Variants in WDFY1 observed in about 807,000 individuals in gnomAD.
WDFY1 encodes the protein WD repeat and FYVE domain-containing protein 1.
Under a neutral mutation model 56.4 loss-of-function variants are expected in WDFY1, and 32 were observed. The observed-to-expected ratio is 0.57, with a 90% confidence interval of 0.43 to 0.76. WDFY1 has a LOEUF of 0.76. Ranked by LOEUF, WDFY1 falls within the 30% of genes least tolerant of loss-of-function variation. The pLI is 0.00. For synonymous variants in WDFY1, 192 were observed against 197.3 expected, an observed-to-expected ratio of 0.97 and a Z score of 0.23; for missense variants, 480 against 545.7, an observed-to-expected ratio of 0.88 and a Z score of 1.20.
intron 8 of WDFY1, among the ~76,000 whole-genome samples, chr2:223,892,361 G>A (rs1356745606): frequency 6.6e-6 from 1 of 152,112 alleles, no homozygotes; most frequent in East Asian, 1.9e-4. Context: ...AATTCAAAAA[G>A]AGAAATTAAC....
At chr2:223,921,365 C>T (rs1167133676) in intron 1 of WDFY1, among the ~76,000 whole-genome samples, 1 of 152,008 alleles carries the variant, frequency 6.6e-6, no homozygotes, top group East Asian at 1.9e-4. Context: ...ATACAGAGGA[C>T]ATGGGAACAT....
rs768706254 is a variant in WDFY1 at position 223,899,314 on chromosome 2, AAC to A, written c.486-246_486-245del. On this transcript the variant is annotated intron_variant, in intron 5 of 11. Transcript: ENST00000233055. ...TGAGAAAGTTTATATTCATTCATTC[AAC>A]AGGAACTCATTGAGTGCCTGTTACT... 2.7e-5 allele frequency: 11 copies of A among 410,202 alleles called. No homozygotes were observed. The East Asian group carries it at 3.0e-4, about 11-fold the overall frequency. 25.4% of individuals were successfully genotyped at this position (410,202 alleles called of 1,614,324 possible). A position where few individuals can be genotyped will look rare whatever the true frequency, so the allele number is the denominator to read the frequency against.
chr2:223,911,566 C>CCA (rs58131865), intron 3 of WDFY1, among the ~76,000 whole-genome samples: 1,981 of 136,066 alleles, frequency 0.015, 23 homozygotes, highest in East Asian at 0.032. Context: ...AGCTGAATGA[C>CCA]CACACACACA....
chr2:223,906,702 T>C (rs1049418164), intron 3 of WDFY1, among the ~76,000 whole-genome samples: 1 of 151,904 alleles, frequency 6.6e-6, no homozygotes, highest in South Asian at 2.1e-4. Context: ...GTATTTTTAA[T>C]AGAGATGGGG....
At chr2:223,894,996 G>A (rs756382692) in intron 7 of WDFY1, among the ~76,000 whole-genome samples, 5 of 152,184 alleles carry the variant, frequency 3.3e-5, no homozygotes, top group Non-Finnish European at 7.3e-5. Flanking sequence ...GGGCTACAGG[G>A]CAAGATCCTA....
intron 11 of WDFY1, among the ~76,000 whole-genome samples, chr2:223,879,601 AG>A (rs1199216841): frequency 2.0e-5 from 3 of 151,990 alleles, no homozygotes; most frequent in African/African-American, 7.3e-5. Context: ...TGAAGGCCGC[AG>A]TGAGTAGTGA....
In WDFY1 at chr2:223,876,853, C is replaced by A. The variant is rs1692981362; in HGVS notation, c.*1818G>T. 6.6e-6 allele frequency: 1 copy of A among 152,164 alleles called. No individual in the cohort carries two copies. Among genetic ancestry groups the A allele is most frequent in the Non-Finnish European group, 1.5e-5 (1 of 68,036 alleles). 9.4% of individuals were successfully genotyped at this position (152,164 alleles called of 1,614,324 possible). A position where few individuals can be genotyped will look rare whatever the true frequency, so the allele number is the denominator to read the frequency against. ...GGAATTCATAAAATCCCTAGGATAG[C>A]ACCTTTGTATGGGCTGAACCATTAA... On this transcript the variant is annotated 3_prime_UTR_variant, in exon 12 of 12. Coordinates refer to ENST00000233055, the MANE Select transcript of WDFY1 (RefSeq NM_020830.5).
At chr2:223,880,382 G>A (rs909584437) in intron 10 of WDFY1, 150 bp from the exon 11 acceptor site, 2 of 623,726 alleles carry the variant, frequency 3.2e-6, no homozygotes, top group African/African-American at 1.8e-5. Context: ...CGAGACGGGT[G>A]GATCACTTGA....
At chr2:223,906,985 A>G (rs1157633202) in intron 3 of WDFY1, among the ~76,000 whole-genome samples, 1 of 144,546 alleles carries the variant, frequency 6.9e-6, no homozygotes, top group Non-Finnish European at 1.5e-5. Context: ...TTATTATTAT[A>G]TTATTTTGAG....
intron 8 of WDFY1, 137 bp downstream of exon 8, chr2:223,894,097 T>C: frequency 1.4e-6 from 1 of 737,648 alleles, no homozygotes; most frequent in Non-Finnish European, 2.3e-6. Context: ...TTGTCAGAAA[T>C]AACCCATTAG....
At chr2:223,928,188 T>A (rs1030906058) in intron 1 of WDFY1, among the ~76,000 whole-genome samples, 1 of 151,916 alleles carries the variant, frequency 6.6e-6, no homozygotes, top group African/African-American at 2.4e-5. Context: ...AGACACAAAG[T>A]GAGCACAATG....
intron 8 of WDFY1, among the ~76,000 whole-genome samples, chr2:223,885,142 C>T (rs1003702899): frequency 4.0e-5 from 6 of 151,820 alleles, no homozygotes; most frequent in African/African-American, 1.2e-4. Context: ...TTTAATTCCA[C>T]GAAATATTCT....
chr2:223,943,492 CA>C (rs1333790413), intron 1 of WDFY1, among the ~76,000 whole-genome samples: 1 of 152,126 alleles, frequency 6.6e-6, no homozygotes, highest in Admixed American at 6.5e-5. Context: ...AGGATAGGGT[CA>C]ATGTCACTTC....
chr2:223,882,164 G>T (rs940340344), intron 9 of WDFY1, 92 bp from the exon 10 acceptor site: 171 of 1,463,534 alleles, frequency 1.2e-4, no homozygotes, highest in Non-Finnish European at 9.8e-5. Flanking sequence ...ACCCAGGCTG[G>T]AGTGCAGTGG....
chr2:223,927,077 G>A (rs1054084017), intron 1 of WDFY1, among the ~76,000 whole-genome samples: 1 of 152,156 alleles, frequency 6.6e-6, no homozygotes, highest in Non-Finnish European at 1.5e-5. Context: ...TGTCATCCAG[G>A]CTTTGTTGTT....
At chr2:223,910,053 C>T (rs565636559) in intron 3 of WDFY1, among the ~76,000 whole-genome samples, 2 of 152,334 alleles carry the variant, frequency 1.3e-5, no homozygotes, top group South Asian at 4.1e-4. Context: ...CTATATAGCC[C>T]TGCACCATCA....
Position 223,878,856 on chromosome 2 carries a change from T to C in WDFY1, c.1174-126A>G, listed in dbSNP as rs958794151. 3.3e-6 allele frequency: 4 copies of C among 1,210,098 alleles called. No individual in the cohort carries two copies. In the African/African-American group the frequency reaches 6.1e-5, roughly 18 times the overall value. The allele number at this position is 1,210,098 out of a possible 1,614,324, so 75.0% of individuals were successfully genotyped here. The stretch of plus-strand genomic sequence containing the variant: ...GTCAAATTAATGAATTTTCTCATTC[T>C]CCTCTTTCATAACACCTCCTTAAGA... On this transcript the variant is annotated intron_variant, in intron 11 of 11. Transcript: ENST00000233055.
intron 3 of WDFY1, among the ~76,000 whole-genome samples, chr2:223,907,118 G>A (rs1052662968): frequency 3.3e-5 from 5 of 151,762 alleles, no homozygotes; most frequent in Non-Finnish European, 7.4e-5. Context: ...GGGACTAAAG[G>A]TGCATGCCAC....
At chr2:223,882,260 G>A (rs181934996) in intron 9 of WDFY1, among the ~76,000 whole-genome samples, 188 bp from the exon 10 acceptor site, 1 of 152,248 alleles carries the variant, frequency 6.6e-6, no homozygotes, top group East Asian at 1.9e-4. Context: ...GATTACAGGT[G>A]CCTGTCACCA....
Sources: gnomAD v4.1 joint callset for allele counts (sites outside exome capture counted in the v4.1 genomes callset) on GRCh38, gnomAD v4.1.1 for gene constraint, MANE v1.5 for transcripts, NCBI Gene and HGNC (gene_info 2026-07-23, HGNC 2026-07-21) for gene names.